Variants in IL1RAP observed in about 807,000 individuals in gnomAD.
The protein encoded by IL1RAP is interleukin 1 receptor accessory protein, also known as interleukin-1 receptor accessory protein.
IL1RAP carries 35 observed loss-of-function variants against 60.7 expected under a neutral mutation model. The ratio of observed to expected loss-of-function variants is 0.58; its 90% CI spans 0.44 to 0.76. The LOEUF is 0.76. IL1RAP is among the 30% of genes least tolerant of loss of function. The pLI is 0.00. For synonymous variants in IL1RAP, 268 were observed against 250.9 expected, an observed-to-expected ratio of 1.07 and a Z score of -0.64; for missense variants, 572 against 693.9, an observed-to-expected ratio of 0.82 and a Z score of 1.97.
At chr3:190,631,115 G>A (rs1299066813) in intron 9 of IL1RAP, among the ~76,000 whole-genome samples, 2 of 152,150 alleles carry the variant, frequency 1.3e-5, no homozygotes, top group African/African-American at 4.8e-5. Flanking sequence ...AACATTTGAT[G>A]GGAATATCTG....
rs148444168 is a variant in IL1RAP, at chr3:190,605,340, A to C, written c.350+927A>C. ...ATTAATGTTGTTTTTGGGGAAAAAAACAAAAAAACAAAACAAAACAAAACA... is the reference window on the plus strand; with the variant it reads ...ATTAATGTTGTTTTTGGGGAAAAAACCAAAAAAACAAAACAAAACAAAACA... On this transcript the variant is annotated intron_variant, in intron 4 of 11. Coordinates refer to ENST00000447382, the MANE Select transcript of IL1RAP (RefSeq NM_002182.4). Among the ~76,000 whole-genome samples the C allele has an allele frequency of 4.8e-3, 730 of 152,070 alleles. 13 individuals carry two copies. Among genetic ancestry groups the C allele is most frequent in the Non-Finnish European group, 6.7e-3 (458 of 67,998 alleles).
chr3:190,536,617 TC>T (rs1723482038), intron 1 of IL1RAP, among the ~76,000 whole-genome samples: 1 of 152,190 alleles, frequency 6.6e-6, no homozygotes, highest in African/African-American at 2.4e-5. Context: ...CAAAATGCCA[TC>T]CATAGGGACA....
intron 1 of IL1RAP, chr3:190,518,367 C>T (rs991643983): frequency 6.6e-6 from 1 of 152,166 alleles, no homozygotes; most frequent in Admixed American, 6.5e-5. Context: ...CTGCTAACAA[C>T]TCCTTCAATG....
intron 9 of IL1RAP, among the ~76,000 whole-genome samples, chr3:190,637,571 A>G (rs954838933): frequency 6.6e-6 from 1 of 152,110 alleles, no homozygotes; most frequent in Non-Finnish European, 1.5e-5. Flanking sequence ...GCTCCTTATC[A>G]TTATCAGTGT....
intron 1 of IL1RAP, among the ~76,000 whole-genome samples, chr3:190,548,572 T>C (rs780692905): frequency 6.6e-6 from 1 of 152,178 alleles, no homozygotes; most frequent in Non-Finnish European, 1.5e-5. Context: ...AATTGGACTA[T>C]ACACTGTGGA....
At position 190,644,637 on chromosome 3, in the gene IL1RAP, C is replaced by T. The variant is rs573925625; in HGVS notation, c.1201+240C>T. ...ACACCCTCCAAATAGAAATATAATG[C>T]GAGCCACTTACCTACTTAAAATTTC... On this transcript the variant is annotated intron_variant, in intron 10 of 11. Coordinates refer to ENST00000447382, the MANE Select transcript of IL1RAP (RefSeq NM_002182.4). 5.9e-5 allele frequency among the ~76,000 whole-genome samples: 9 copies of T among 152,020 alleles called. No homozygotes were observed. The South Asian group carries it at 1.0e-3, about 18-fold the overall frequency.
chr3:190,564,084 T>C (rs3732921), intron 2 of IL1RAP: 351,846 of 551,614 alleles, frequency 0.64, 116,708 homozygotes, highest in East Asian at 0.73. Context: ...GCATGTAATA[T>C]GGGAATTGAA....
At chr3:190,576,994 G>A (rs57187300) in intron 3 of IL1RAP, among the ~76,000 whole-genome samples, 3,121 of 151,724 alleles carry the variant, frequency 0.021, 86 homozygotes, top group East Asian at 0.15. Context: ...CCAGCTACTC[G>A]GGAGGCTGAG....
intron 3 of IL1RAP, among the ~76,000 whole-genome samples, chr3:190,602,150 G>A (rs1049488108): frequency 2.0e-5 from 3 of 152,094 alleles, no homozygotes; most frequent in African/African-American, 7.2e-5. Flanking sequence ...TCAAATGATC[G>A]TTAAAAATAA....
chr3:190,560,697 C>T (rs557727188), intron 2 of IL1RAP, among the ~76,000 whole-genome samples: 4 of 152,186 alleles, frequency 2.6e-5, no homozygotes, highest in South Asian at 4.2e-4. Flanking sequence ...CTGTCACCTG[C>T]GGGCTAGGTG....
At chr3:190,635,005 G>A (rs1311248812) in intron 9 of IL1RAP, among the ~76,000 whole-genome samples, 3 of 152,204 alleles carry the variant, frequency 2.0e-5, no homozygotes, top group East Asian at 3.9e-4. Context: ...GTGAGCCACC[G>A]TGCCCGGCCG....
chr3:190,626,031 A>G (rs769029296), intron 7 of IL1RAP, among the ~76,000 whole-genome samples: 11 of 152,188 alleles, frequency 7.2e-5, no homozygotes, highest in Non-Finnish European at 1.3e-4. Flanking sequence ...TAGGGTGACG[A>G]TATAATTTAT....
Position 190,627,254 on chromosome 3 carries a change from T to TTTTTG in IL1RAP, c.776-39_776-35dup, listed in dbSNP as rs3038257. The TTTTTG allele has an allele frequency of 5.8e-3, 6,754 of 1,162,968 alleles. 32 individuals are homozygous for TTTTTG. The highest frequency in any genetic ancestry group is 7.2e-3 in the Non-Finnish European group (5,978 of 830,424). 72.0% of individuals were successfully genotyped at this position (1,162,968 alleles called of 1,614,324 possible). A position where few individuals can be genotyped will look rare whatever the true frequency, so the allele number is the denominator to read the frequency against. ...ACTAATGGGCTAACTTTGTCTTTGT[T>TTTTTG]TTTTGTTTTGTTTTGTTTTGTTTTG... On this transcript the variant is annotated intron_variant, in intron 7 of 11. Coordinates refer to ENST00000447382, the MANE Select transcript of IL1RAP (RefSeq NM_002182.4).
At chr3:190,657,139 C>G (rs1213970702) in exon 12 of IL1RAP, 1 of 152,324 alleles carries the variant, frequency 6.6e-6, no homozygotes, top group Non-Finnish European at 1.5e-5. Flanking sequence ...TCACTGTAAA[C>G]TAGTGTTCTC....
rs78898376 is a variant in IL1RAP, at chr3:190,650,561, A to G, written c.*1856A>G. 5.3e-6 allele frequency: 5 copies of G among 936,048 alleles called. No homozygotes were observed. The African/African-American group carries it at 8.9e-5, about 17-fold the overall frequency. 58.0% of individuals were successfully genotyped at this position (936,048 alleles called of 1,614,324 possible). Reference sequence around the variant, plus strand: ...GAAAGCCCTTATCCCGGTAACATGAATGTTGATGAACAAATGTAAAATTAT... The same window carrying G: ...GAAAGCCCTTATCCCGGTAACATGAGTGTTGATGAACAAATGTAAAATTAT... On this transcript the variant is annotated 3_prime_UTR_variant, in exon 12 of 12. Coordinates refer to ENST00000447382, the MANE Select transcript of IL1RAP (RefSeq NM_002182.4).
chr3:190,560,344 T>C (rs1328036476), intron 2 of IL1RAP, among the ~76,000 whole-genome samples: 2 of 152,302 alleles, frequency 1.3e-5, no homozygotes, highest in African/African-American at 2.4e-5. Context: ...TTTTCAAAAG[T>C]GCGAATGGTC....
chr3:190,575,628 C>A (rs143760983), intron 3 of IL1RAP, among the ~76,000 whole-genome samples: 1 of 152,110 alleles, frequency 6.6e-6, no homozygotes, highest in Non-Finnish European at 1.5e-5. Context: ...AAGAAACATG[C>A]GACGAAGAGG....
chr3:190,553,039 C>A (rs1725002563), intron 1 of IL1RAP, among the ~76,000 whole-genome samples: 1 of 152,132 alleles, frequency 6.6e-6, no homozygotes, highest in Non-Finnish European at 1.5e-5. Flanking sequence ...GGAAGGGAAT[C>A]AACAAATAGC....
At chr3:190,564,581 G>C in intron 3 of IL1RAP, 1 of 509,946 alleles carries the variant, frequency 2.0e-6, no homozygotes, top group South Asian at 2.5e-5. Context: ...GGGCCGCTGT[G>C]TTTAAACACA....
Sources: gnomAD v4.1 joint callset for allele counts (sites outside exome capture counted in the v4.1 genomes callset) on GRCh38, gnomAD v4.1.1 for gene constraint, MANE v1.5 for transcripts, NCBI Gene and HGNC (gene_info 2026-07-23, HGNC 2026-07-21) for gene names.